The following PTPRO variants were observed in gnomAD, a reference collection of about 807,000 sequenced individuals.
The protein encoded by PTPRO is receptor-type tyrosine-protein phosphatase O.
PTPRO carries 62 observed loss-of-function variants against 145.2 expected under a neutral mutation model. That is an observed-to-expected ratio of 0.43 (90% CI 0.35 to 0.53). The LOEUF is 0.53. PTPRO is among the 20% of genes least tolerant of loss of function. PTPRO has a pLI of 0.01. For synonymous variants in PTPRO, 565 were observed against 514.7 expected (o/e 1.10, Z -1.32); for missense variants, 1,345 against 1,482.7 (o/e 0.91, Z 1.53).
intron 1 of PTPRO, among the ~76,000 whole-genome samples, chr12:15,483,257 T>C (rs1941817201): frequency 1.3e-5 from 2 of 152,126 alleles, no homozygotes; most frequent in Admixed American, 6.5e-5. Flanking sequence ...GGGAGGAATA[T>C]TTAAACCAAT....
chr12:15,594,978 G>T lies in PTPRO; in HGVS notation c.3588G>T (p.Trp1196Cys), dbSNP rs763372925. Residue 1196 changes from tryptophan to cysteine, a missense_variant, in exon 26 of 27, where the codon TGG becomes TGT. Physicochemically the swap from Trp to Cys is radical, Grantham distance 215. Coordinates refer to ENST00000281171, the MANE Select transcript of PTPRO (RefSeq NM_030667.3). ...IFIHQCVQLM[W>C]MKKKQQFCIS... Reference sequence around the variant, plus strand: ...TCCATCAGTGTGTGCAACTGATGTGGATGAAGAAGAAGCAGCAGTTCTGCA... The same window carrying T: ...TCCATCAGTGTGTGCAACTGATGTGTATGAAGAAGAAGCAGCAGTTCTGCA... 26 of 1,613,884 alleles carry T rather than the reference G, an allele frequency of 1.6e-5. No homozygotes were observed. The highest frequency in any genetic ancestry group is 2.1e-5 in the Non-Finnish European group (25 of 1,179,872).
intron 1 of PTPRO, among the ~76,000 whole-genome samples, chr12:15,385,801 G>T (rs1939006728): frequency 9.7e-6 from 1 of 103,588 alleles, no homozygotes; most frequent in Non-Finnish European, 1.7e-5. Flanking sequence ...GACAGAGCAA[G>T]ACTCCATCTC....
chr12:15,374,146 T>G (rs2136264158), intron 1 of PTPRO, among the ~76,000 whole-genome samples: 1 of 151,938 alleles, frequency 6.6e-6, no homozygotes, highest in South Asian at 2.1e-4. Context: ...CACAGAAAAA[T>G]TTCAAGGCAA....
chr12:15,509,001 A>G (rs1591665412), intron 7 of PTPRO, among the ~76,000 whole-genome samples: 1 of 152,146 alleles, frequency 6.6e-6, no homozygotes. Flanking sequence ...TTCATTATTC[A>G]AGGGAATTTG....
chr12:15,546,756 T>C, intron 13 of PTPRO, 48 bp downstream of exon 13: 1 of 1,605,234 alleles, frequency 6.2e-7, no homozygotes, highest in South Asian at 1.1e-5. Flanking sequence ...TAAGTAAGGC[T>C]AATTATCTGG....
chr12:15,361,108 A>G (rs776903287), intron 1 of PTPRO, among the ~76,000 whole-genome samples: 11 of 151,798 alleles, frequency 7.2e-5, no homozygotes, highest in Middle Eastern at 3.5e-3. Context: ...TATGATAAAT[A>G]TTTAATAAAT....
chr12:15,453,151 C>T (rs945076464), intron 1 of PTPRO, among the ~76,000 whole-genome samples: 7 of 151,706 alleles, frequency 4.6e-5, no homozygotes, highest in South Asian at 2.1e-4. Context: ...AAATCTGGAC[C>T]GGCTAATTTT....
chr12:15,526,634 A>G lies in PTPRO; in HGVS notation c.2164+372A>G, dbSNP rs537320007. On this transcript the variant is annotated intron_variant, in intron 12 of 26. Transcript: ENST00000281171. ...GCTCTCTTTAATATCTTAAATAGTA[A>G]TGGATTTAAAAATCTACATATTGAT... Among the ~76,000 whole-genome samples, 15 of 152,300 alleles carry G rather than the reference A, an allele frequency of 9.8e-5. No individual in the cohort carries two copies. In the South Asian group the frequency reaches 2.9e-3, roughly 29 times the overall value.
chr12:15,483,882 CACA>C, intron 1 of PTPRO, 89 bp from the exon 2 acceptor site: 3 of 1,367,918 alleles, frequency 2.2e-6, no homozygotes, highest in South Asian at 1.2e-5. Context: ...GTTTATGATA[CACA>C]ACAATATGTA....
chr12:15,519,144 G>A (rs532020460), intron 9 of PTPRO, among the ~76,000 whole-genome samples: 53 of 152,336 alleles, frequency 3.5e-4, no homozygotes, highest in African/African-American at 1.1e-3. Flanking sequence ...GGGAGGCAAA[G>A]AGGAGCAAGC....
chr12:15,452,754 A>C (rs568228768), intron 1 of PTPRO, among the ~76,000 whole-genome samples: 3 of 152,270 alleles, frequency 2.0e-5, no homozygotes, highest in Admixed American at 6.5e-5. Flanking sequence ...AAAAAATCTT[A>C]AAAGTCTAGG....
intron 15 of PTPRO, among the ~76,000 whole-genome samples, chr12:15,553,433 A>C (rs931456040): frequency 1.3e-5 from 2 of 152,122 alleles, no homozygotes; most frequent in African/African-American, 2.4e-5. Context: ...GAAGCACATG[A>C]GGGAGGTAGC....
At chr12:15,525,078 TG>T in intron 11 of PTPRO, 113 bp downstream of exon 11, 1 of 1,289,064 alleles carries the variant, frequency 7.8e-7, no homozygotes, top group Non-Finnish European at 1.1e-6. Flanking sequence ...ACCAGTTGTC[TG>T]TTTTAGGCTC....
chr12:15,324,491 T>C (rs1228540633), intron 1 of PTPRO, among the ~76,000 whole-genome samples: 1 of 152,228 alleles, frequency 6.6e-6, no homozygotes, highest in African/African-American at 2.4e-5. Flanking sequence ...GTGATTGTCA[T>C]AGAGGTCCAG....
intron 1 of PTPRO, among the ~76,000 whole-genome samples, chr12:15,435,966 C>T (rs965361194): frequency 6.6e-6 from 1 of 151,746 alleles, no homozygotes; most frequent in Non-Finnish European, 1.5e-5. Flanking sequence ...TCCCACCACT[C>T]GATCTACCGT....
Position 15,596,972 on chromosome 12 carries a change from T to C in PTPRO, c.*899T>C, listed in dbSNP as rs575265234. Reference sequence around the variant, plus strand: ...TGTTGACCTGCATACATGTGAGAGCTATTTCTTTAAGAACTATATAGGCTG... The same window carrying C: ...TGTTGACCTGCATACATGTGAGAGCCATTTCTTTAAGAACTATATAGGCTG... On this transcript the variant is annotated 3_prime_UTR_variant, in exon 27 of 27. Transcript: ENST00000281171. The C allele has an allele frequency of 6.5e-6, 1 of 152,788 alleles. No homozygotes were observed. The highest frequency in any genetic ancestry group is 2.4e-5 in the African/African-American group (1 of 41,574). 9.5% of individuals were successfully genotyped at this position (152,788 alleles called of 1,614,324 possible).
intron 1 of PTPRO, chr12:15,440,238 C>T (rs1051876457): frequency 3.1e-6 from 2 of 640,168 alleles, no homozygotes; most frequent in Non-Finnish European, 5.5e-6. Flanking sequence ...TTTTCCAAGG[C>T]CACCTTTGAT....
chr12:15,528,469 G>A (rs1399716297), intron 12 of PTPRO, among the ~76,000 whole-genome samples: 1 of 150,414 alleles, frequency 6.6e-6, no homozygotes, highest in Non-Finnish European at 1.5e-5. Context: ...AGCTTGCAGT[G>A]AGCCGAGATC....
intron 15 of PTPRO, among the ~76,000 whole-genome samples, chr12:15,552,464 T>A (rs1410365264): frequency 6.6e-6 from 1 of 152,206 alleles, no homozygotes; most frequent in African/African-American, 2.4e-5. Context: ...CACATATTTA[T>A]AAATAAATTC....
Sources: allele counts gnomAD v4.1 joint callset (sites outside exome capture counted in the v4.1 genomes callset), GRCh38; gene constraint gnomAD v4.1.1; transcripts MANE v1.5; gene names NCBI Gene and HGNC (gene_info 2026-07-23, HGNC 2026-07-21).